The following OR4E2 variants were observed in gnomAD, a reference collection of about 807,000 sequenced individuals.
OR4E2 encodes olfactory receptor 4E2.
A neutral mutation model predicts 11.0 loss-of-function variants in OR4E2; 9 were observed. That is an observed-to-expected ratio of 0.82 (90% confidence interval 0.49 to 1.43). The LOEUF (loss-of-function observed/expected upper bound fraction) is 1.43. Ranked by LOEUF, OR4E2 falls within the 40% of genes most tolerant of loss-of-function variation. OR4E2 has a pLI of 0.00. For synonymous variants in OR4E2, 159 were observed against 147.3 expected, an observed-to-expected ratio of 1.08 and a Z score of -0.57; for missense variants, 441 against 382.0, an observed-to-expected ratio of 1.15 and a Z score of -1.29.
chr14:21,654,517 A>C (rs969324903), intron 1 of OR4E2, among the ~76,000 whole-genome samples: 7 of 152,052 alleles, frequency 4.6e-5, no homozygotes, highest in Admixed American at 3.3e-4. Context: ...CCTTTGGTAT[A>C]CATGGGAGGA....
In OR4E2 at chr14:21,655,959, TA is replaced by T. The variant is rs919182478; in HGVS notation, c.-190-535del. On this transcript the variant is annotated intron_variant, in intron 1 of 3. Transcript: ENST00000641524. ...AAAATTTGCAGAAAAGAAAAAGGAT[TA>T]AAAAAAACCAAGGACCAATATTAAA... Among the ~76,000 whole-genome samples the T allele has an allele frequency of 2.0e-3, 297 of 151,020 alleles. 2 individuals are homozygous for T. The highest frequency in any genetic ancestry group is 6.8e-3 in the African/African-American group (278 of 41,146).
intron 2 of OR4E2, among the ~76,000 whole-genome samples, chr14:21,657,055 TAA>T (rs1879987591): frequency 6.6e-6 from 1 of 152,204 alleles, no homozygotes; most frequent in African/African-American, 2.4e-5. Flanking sequence ...CACTCACACA[TAA>T]TTATAGGATG....
intron 2 of OR4E2, among the ~76,000 whole-genome samples, chr14:21,657,523 TTC>T (rs1880070471): frequency 1.4e-5 from 2 of 146,046 alleles, no homozygotes; most frequent in Non-Finnish European, 3.0e-5. Flanking sequence ...TTGTTTTTCT[TTC>T]TTTCTTTCTT....
Position 21,665,255 on chromosome 14 carries a change from C to T in OR4E2, c.173C>T (p.Pro58Leu), listed in dbSNP as rs763226986. The T allele has an allele frequency of 1.1e-5, 18 of 1,614,106 alleles. No individual in the cohort carries two copies. Among genetic ancestry groups the T allele is most frequent in the Non-Finnish European group, 1.5e-5 (18 of 1,179,994 alleles). Residue 58 changes from proline (P) to leucine (L), a missense_variant, in exon 4 of 4, where the codon CCC (proline) becomes CTC (leucine). Pro to Leu is a moderately conservative substitution (Grantham distance 98). Coordinates refer to ENST00000641524, the MANE Select transcript of OR4E2 (RefSeq NM_001001912.3). ...ATVFTPSLHTPMYFFLSNLSF... is the reference protein window; with the variant it reads ...ATVFTPSLHTLMYFFLSNLSF... ...GTCTTTACTCCAAGTCTCCATACCC[C>T]CATGTATTTCTTCCTGAGCAATCTG...
chr14:21,666,593 C>T lies in OR4E2; in HGVS notation c.*569C>T, dbSNP rs1880663601. Reference sequence around the variant, plus strand: ...ACAGGAATTTTTTGTACTATTCCTGCAACTTCCTGTAAGTCTGAAATTATT... The same window carrying T: ...ACAGGAATTTTTTGTACTATTCCTGTAACTTCCTGTAAGTCTGAAATTATT... On this transcript the variant is annotated 3_prime_UTR_variant, in exon 4 of 4. Coordinates refer to ENST00000641524, the MANE Select transcript of OR4E2 (RefSeq NM_001001912.3). 6.6e-6 allele frequency: 1 copy of T among 151,406 alleles called. No individual in the cohort carries two copies. Among genetic ancestry groups the T allele is most frequent in the African/African-American group, 2.4e-5 (1 of 41,184 alleles). 9.4% of individuals were successfully genotyped at this position (151,406 alleles called of 1,614,324 possible). A position where few individuals can be genotyped will look rare whatever the true frequency, so the allele number is the denominator to read the frequency against.
rs1490528648 is a variant in OR4E2, at chr14:21,654,447, GCACACACACACAGATGCA to G, written c.-191+521_-191+538del. On this transcript the variant is annotated intron_variant, in intron 1 of 3. Transcript: ENST00000641524. ...ACACGCTGCATGCACACACATGCAT[GCACACACACACAGATGCA>G]CACACACACACACGCATGCACACAC... Among the ~76,000 whole-genome samples the G allele has an allele frequency of 2.0e-4, 30 of 149,038 alleles. No homozygotes were observed. The East Asian group carries it at 5.9e-3, about 29-fold the overall frequency.
rs1302550837 is a variant in OR4E2, at chr14:21,665,293, A to G, written c.211A>G (p.Ile71Val). Residue 71 changes from isoleucine (I) to valine (V), a missense_variant, in exon 4 of 4, where the codon ATC becomes GTC. Coordinates refer to ENST00000641524, the MANE Select transcript of OR4E2 (RefSeq NM_001001912.3). ...CCTGAGCAATCTGTCCTTTATTGAC[A>G]TCTGCCACTCATCTGTCACTGTGCC... Reference protein sequence around the residue: ...FFLSNLSFIDICHSSVTVPKM... With the variant: ...FFLSNLSFIDVCHSSVTVPKM... The G allele has an allele frequency of 3.7e-6, 6 of 1,614,098 alleles. No homozygotes were observed. Among genetic ancestry groups the G allele is most frequent in the Middle Eastern group, 3.3e-4 (2 of 6,062 alleles).
chr14:21,654,916 TTTC>T (rs1202948928), intron 1 of OR4E2, among the ~76,000 whole-genome samples: 1 of 152,196 alleles, frequency 6.6e-6, no homozygotes, highest in Non-Finnish European at 1.5e-5. Context: ...AATAGAATTC[TTTC>T]TTCTTCTTAG....
intron 3 of OR4E2, among the ~76,000 whole-genome samples, chr14:21,663,487 ATT>A (rs570978838): frequency 0.01 from 1,516 of 149,946 alleles, 16 homozygotes; most frequent in Middle Eastern, 0.038. Flanking sequence ...CTCGAAAAAA[ATT>A]TTTTTTTTTT....
intron 1 of OR4E2, among the ~76,000 whole-genome samples, chr14:21,654,180 G>T (rs574836756): frequency 6.6e-6 from 1 of 152,156 alleles, no homozygotes; most frequent in East Asian, 1.9e-4. Context: ...TTTAAGGTGG[G>T]TGCTGAGGTG....
chr14:21,655,957 AT>A (rs1879917248), intron 1 of OR4E2, among the ~76,000 whole-genome samples: 1 of 151,936 alleles, frequency 6.6e-6, no homozygotes, highest in Non-Finnish European at 1.5e-5. Flanking sequence ...AAGAAAAAGG[AT>A]TAAAAAAAAC....
At chr14:21,662,637 C>T (rs959605207) in intron 3 of OR4E2, among the ~76,000 whole-genome samples, 19 of 152,056 alleles carry the variant, frequency 1.2e-4, no homozygotes, top group South Asian at 2.1e-4. Context: ...AAGTTTAACA[C>T]GCTTTATCTC....
intron 1 of OR4E2, among the ~76,000 whole-genome samples, chr14:21,654,661 GA>G (rs1381783358): frequency 1.3e-5 from 2 of 151,386 alleles, no homozygotes; most frequent in Non-Finnish European, 2.9e-5. Flanking sequence ...GCGTTTGGTT[GA>G]AAAAAAATCT....
chr14:21,662,687 G>A (rs1475498818), intron 3 of OR4E2, among the ~76,000 whole-genome samples: 2 of 152,072 alleles, frequency 1.3e-5, no homozygotes, highest in African/African-American at 4.8e-5. Context: ...CACGTTGGTA[G>A]GCCTTTGTCA....
At chr14:21,654,353 TAC>T (rs771078286) in intron 1 of OR4E2, among the ~76,000 whole-genome samples, 5 of 151,358 alleles carry the variant, frequency 3.3e-5, no homozygotes, top group Non-Finnish European at 7.4e-5. Flanking sequence ...CCAAAGGTTT[TAC>T]ACACATGCAC....
At chr14:21,658,103 G>T (rs1440252930) in intron 2 of OR4E2, among the ~76,000 whole-genome samples, 1 of 152,178 alleles carries the variant, frequency 6.6e-6, no homozygotes, top group Non-Finnish European at 1.5e-5. Context: ...GGATTTAGGA[G>T]TTAATCCAAC....
rs575246903 is a variant in OR4E2, at chr14:21,665,686, A to G, written c.604A>G (p.Asn202Asp). 13 of 1,614,108 alleles carry G rather than the reference A, an allele frequency of 8.1e-6. No individual in the cohort carries two copies. In the South Asian group the frequency reaches 1.4e-4, roughly 18 times the overall value. The change falls in exon 4 of 4, where the codon AAT (asparagine) becomes GAT (aspartate). Residue 202 changes from asparagine (N) to aspartate (D), a missense_variant. Asn to Asp is a conservative substitution (Grantham distance 23, BLOSUM62 1). Transcript: ENST00000641524. ...TYLTGILIVT[N>D]SGTISLSCFL... ...CCTCACAGGAATACTGATTGTGACC[A>G]ATAGTGGAACCATCTCCCTCTCCTG...
chr14:21,660,084 C>T (rs995954943), intron 2 of OR4E2, among the ~76,000 whole-genome samples: 4 of 151,774 alleles, frequency 2.6e-5, no homozygotes, highest in African/African-American at 9.7e-5. Flanking sequence ...CACCAGGGAC[C>T]AGTTTCATGG....
At chr14:21,659,830 G>A (rs1880216966) in intron 2 of OR4E2, among the ~76,000 whole-genome samples, 1 of 152,074 alleles carries the variant, frequency 6.6e-6, no homozygotes, top group Admixed American at 6.5e-5. Context: ...AGCAGCAGGA[G>A]AAAGAAAATA....
Sources: allele counts gnomAD v4.1 joint callset (sites outside exome capture counted in the v4.1 genomes callset), GRCh38; gene constraint gnomAD v4.1.1; transcripts MANE v1.5; gene names NCBI Gene and HGNC (gene_info 2026-07-23, HGNC 2026-07-21).